The following KTN1 variants were observed in gnomAD, a reference collection of about 807,000 sequenced individuals.
KTN1 encodes kinectin.
Under a neutral mutation model 222.5 loss-of-function variants are expected in KTN1, and 130 were observed. The observed-to-expected ratio is 0.58, with a 90% confidence interval of 0.51 to 0.68. KTN1 has a LOEUF of 0.68. Ranked by LOEUF, KTN1 falls within the 30% of genes least tolerant of loss-of-function variation. The pLI is 0.00. For missense variants in KTN1, 1,508 were observed against 1,500.4 expected, an observed-to-expected ratio of 1.01 and a Z score of -0.08; for synonymous variants, 512 against 496.3, an observed-to-expected ratio of 1.03 and a Z score of -0.42.
intron 1 of KTN1, among the ~76,000 whole-genome samples, chr14:55,598,873 A>G (rs2035507087): frequency 6.6e-6 from 1 of 152,230 alleles, no homozygotes; most frequent in Non-Finnish European, 1.5e-5. Flanking sequence ...TGGAAGATCC[A>G]TAGCTTTCAA....
Position 55,658,549 on chromosome 14 carries a change from G to A in KTN1, c.2896G>A (p.Val966Ile), listed in dbSNP as rs762018806. ...TGTTTAATTTTTATTTAATTAGGAT[G>A]TACAAGATGAAAACAAATTGTTTAA... ...LSSKTQLLQD[V>I]QDENKLFKSQ... Residue 966 changes from valine to isoleucine, a missense_variant, in exon 30 of 44, where the codon GTA becomes ATA. Transcript: ENST00000395314. The A allele has an allele frequency of 6.4e-7, 1 of 1,561,236 alleles. No individual in the cohort carries two copies. The highest frequency in any genetic ancestry group is 2.3e-5 in the East Asian group (1 of 44,426).
rs2042755909 is a variant in KTN1, at chr14:55,649,790, T to C, written c.2382T>C (p.Ser794=). ...AKQNDQVSFA[S]LVEELKKVIH... ...CCTATTTCCAGGTTTCTTTTGCCTC[T>C]CTAGTTGAAGAACTTAAGAAAGTGT... The change falls in exon 22 of 44, where the codon TCT becomes TCC. Residue 794 remains serine (S), a synonymous_variant. Coordinates refer to ENST00000395314, the MANE Select transcript of KTN1 (RefSeq NM_001079521.2). The C allele has an allele frequency of 7.2e-6, 11 of 1,523,202 alleles. No homozygotes were observed. Among genetic ancestry groups the C allele is most frequent in the African/African-American group, 1.4e-5 (1 of 71,760 alleles). 94.4% of individuals were successfully genotyped at this position (1,523,202 alleles called of 1,614,324 possible).
chr14:55,599,896 A>G (rs1187494728), intron 1 of KTN1, among the ~76,000 whole-genome samples: 2 of 151,916 alleles, frequency 1.3e-5, no homozygotes, highest in Non-Finnish European at 2.9e-5. Flanking sequence ...TACTTATTAA[A>G]TCTATTTTTT....
chr14:55,679,592 G>C lies in KTN1; in HGVS notation c.3976G>C (p.Val1326Leu), dbSNP rs200343997. 2.5e-6 allele frequency: 4 copies of C among 1,611,124 alleles called. No homozygotes were observed. Among genetic ancestry groups the C allele is most frequent in the Admixed American group, 1.7e-5 (1 of 59,922 alleles). ...TESSEKETMS[V>L]SLNQTVTQLQ... ...GTCTTCTGAGAAGGAGACAATGTCT[G>C]TAAGTCTAAATCAGACTGTAACACA... Residue 1326 changes from valine (V) to leucine (L), a missense_variant, in exon 43 of 44, where the codon GTA becomes CTA. By Grantham distance (32) the Val-to-Leu change is conservative. Coordinates refer to ENST00000395314, the MANE Select transcript of KTN1 (RefSeq NM_001079521.2).
At chr14:55,627,498 C>G (rs986591827) in intron 5 of KTN1, among the ~76,000 whole-genome samples, 1 of 151,720 alleles carries the variant, frequency 6.6e-6, no homozygotes, top group Non-Finnish European at 1.5e-5. Flanking sequence ...GATACATGTG[C>G]AGAACGTGCA....
In KTN1 at chr14:55,639,898, TCTTTC is replaced by T; in HGVS notation, c.1824-11_1824-7del. 3 of 1,481,190 alleles carry T rather than the reference TCTTTC, an allele frequency of 2.0e-6. No individual in the cohort carries two copies. The highest frequency in any genetic ancestry group is 1.4e-5 in the African/African-American group (1 of 72,144). The allele number at this position is 1,481,190 out of a possible 1,614,324, so 91.8% of individuals were successfully genotyped here. On this transcript the variant is annotated splice_polypyrimidine_tract_variant and intron_variant, in intron 13 of 43. Transcript: ENST00000395314. Reference sequence around the variant, plus strand: ...TGAATGTTTATTGAATGTACAAATGTCTTTCCTTCTAAAGGATTGCAGAAAAGGAT... The same window carrying T: ...TGAATGTTTATTGAATGTACAAATGTCTTCTAAAGGATTGCAGAAAAGGAT...
chr14:55,602,254 C>CA (rs369220555), intron 1 of KTN1, among the ~76,000 whole-genome samples: 466 of 152,254 alleles, frequency 3.1e-3, no homozygotes, highest in Non-Finnish European at 3.9e-3. Flanking sequence ...TTTACTGTCT[C>CA]ATAGAATTAT....
intron 33 of KTN1, among the ~76,000 whole-genome samples, chr14:55,665,221 G>A (rs575095545): frequency 2.6e-5 from 4 of 152,092 alleles, no homozygotes; most frequent in African/African-American, 9.6e-5. Flanking sequence ...TTCTGTCAGC[G>A]ATGAGGGTTT....
chr14:55,636,569 A>G (rs757102796), intron 10 of KTN1, 33 bp downstream of exon 10: 14 of 1,529,378 alleles, frequency 9.2e-6, no homozygotes, highest in East Asian at 4.6e-5. Flanking sequence ...TAAACTTTGT[A>G]TATAATTTTG....
Position 55,640,434 on chromosome 14 carries a change from A to C in KTN1, c.1975A>C (p.Asn659His). 1 of 1,605,582 alleles carries C rather than the reference A, an allele frequency of 6.2e-7. No homozygotes were observed. The highest frequency in any genetic ancestry group is 1.1e-5 in the South Asian group (1 of 90,218). Residue 659 changes from asparagine (N) to histidine (H), a missense_variant, in exon 15 of 44, where the codon AAT (asparagine) becomes CAT (histidine). Coordinates refer to ENST00000395314, the MANE Select transcript of KTN1 (RefSeq NM_001079521.2). ...AGTGCAGAAATTACAGGCCCTGGCA[A>C]ATGAGCAGGTAGATCTTTATTGCTT... ...AEVQKLQALANEQAAAAHELE... is the reference protein window; with the variant it reads ...AEVQKLQALAHEQAAAAHELE...
chr14:55,676,555 G>T (rs975073375), intron 41 of KTN1, among the ~76,000 whole-genome samples: 27 of 152,048 alleles, frequency 1.8e-4, no homozygotes, highest in Non-Finnish European at 3.2e-4. Flanking sequence ...AGAACAAGAG[G>T]TACGCACTTA....
At chr14:55,651,771 C>T in intron 24 of KTN1, 119 bp from the exon 25 acceptor site, 1 of 642,460 alleles carries the variant, frequency 1.6e-6, no homozygotes, top group South Asian at 2.0e-5. Context: ...CTCATTTTGT[C>T]ATGAAAAATT....
chr14:55,596,249 A>T (rs2035020533), intron 1 of KTN1, among the ~76,000 whole-genome samples: 1 of 151,674 alleles, frequency 6.6e-6, no homozygotes, highest in Non-Finnish European at 1.5e-5. Context: ...CATTGTCTGG[A>T]TTTACCTAAA....
chr14:55,610,643 C>A (rs970480373), intron 1 of KTN1, among the ~76,000 whole-genome samples: 1 of 152,088 alleles, frequency 6.6e-6, no homozygotes, highest in East Asian at 1.9e-4. Context: ...TTGCTTTATC[C>A]TAAACATGTC....
chr14:55,628,976 A>G (rs1223972402), intron 6 of KTN1, among the ~76,000 whole-genome samples: 1 of 152,238 alleles, frequency 6.6e-6, no homozygotes, highest in Non-Finnish European at 1.5e-5. Flanking sequence ...ATTTTGTCAT[A>G]CAATTGCTTT....
At chr14:55,602,470 C>A (rs2036120797) in intron 1 of KTN1, among the ~76,000 whole-genome samples, 1 of 152,110 alleles carries the variant, frequency 6.6e-6, no homozygotes, top group Non-Finnish European at 1.5e-5. Flanking sequence ...TTTGTGAACA[C>A]TGTCAAATAC....
At chr14:55,638,109 C>A (rs911260588) in intron 12 of KTN1, among the ~76,000 whole-genome samples, 20 of 151,790 alleles carry the variant, frequency 1.3e-4, no homozygotes, top group Non-Finnish European at 2.4e-4. Context: ...AATCCTGTCA[C>A]AAAACAAGGA....
At position 55,612,322 on chromosome 14, in the gene KTN1, G is replaced by A. The variant is rs1267351131; in HGVS notation, c.274G>A (p.Val92Ile). The A allele has an allele frequency of 2.5e-6, 4 of 1,614,142 alleles. No homozygotes were observed. The East Asian group carries it at 6.7e-5, about 27-fold the overall frequency. ...CTTTAAATTATCAGATGCTTTGGCA[G>A]TAGAAGATGATCAAGTTGCACCTGT... ...RDFKLSDALAVEDDQVAPVPL... is the reference protein window; with the variant it reads ...RDFKLSDALAIEDDQVAPVPL... Residue 92 changes from valine (V) to isoleucine (I), a missense_variant, in exon 2 of 44, where the codon GTA becomes ATA. By Grantham distance (29) the Val-to-Ile change is conservative. Coordinates refer to ENST00000395314, the MANE Select transcript of KTN1 (RefSeq NM_001079521.2).
chr14:55,673,049 AT>A (rs1566849074), intron 39 of KTN1, 37 bp downstream of exon 39: 1 of 1,557,756 alleles, frequency 6.4e-7, no homozygotes, highest in East Asian at 2.2e-5. Flanking sequence ...TTGCTTCTCA[AT>A]TCAGATTAAG....
Sources: gnomAD v4.1 joint callset for allele counts (sites outside exome capture counted in the v4.1 genomes callset) on GRCh38, gnomAD v4.1.1 for gene constraint, MANE v1.5 for transcripts, NCBI Gene and HGNC (gene_info 2026-07-23, HGNC 2026-07-21) for gene names.